Variants in IPO5 observed in about 807,000 individuals in gnomAD.
The protein encoded by IPO5 is importin 5.
In IPO5, 18 loss-of-function variants were observed where a neutral mutation model predicts 143.3. The ratio of observed to expected loss-of-function variants is 0.13; its 90% CI spans 0.09 to 0.19. The LOEUF is 0.19. Among genes scored for constraint, IPO5 ranks in the 10% least tolerant of loss-of-function variants. IPO5 has a pLI of 1.00. For synonymous variants in IPO5, 477 were observed against 465.7 expected (o/e 1.02, Z -0.31); for missense variants, 1,013 against 1,336.9 (o/e 0.76, Z 3.78).
Position 98,010,235 on chromosome 13 carries a change from A to G in IPO5, c.2055+11A>G, listed in dbSNP as rs375318165. On this transcript the variant is annotated intron_variant, in intron 20 of 28. Transcript: ENST00000651721. The stretch of plus-strand genomic sequence containing the variant: ...GCTTGCCAGATGTTGGTAAGAGAGC[A>G]CTGTTTTTACTAAACTTTTATTTTA... The G allele has an allele frequency of 7.0e-5, 113 of 1,607,802 alleles. 1 individual carries two copies. The highest frequency in any genetic ancestry group is 5.8e-4 in the South Asian group (52 of 89,638).
At chr13:98,017,457 A>T (rs994238059) in intron 25 of IPO5, among the ~76,000 whole-genome samples, 1 of 151,592 alleles carries the variant, frequency 6.6e-6, no homozygotes, top group African/African-American at 2.4e-5. Flanking sequence ...ACGCCACCAC[A>T]CCCGACGAAT....
intron 3 of IPO5, among the ~76,000 whole-genome samples, chr13:97,973,528 T>C (rs1325571561): frequency 6.6e-6 from 1 of 152,146 alleles, no homozygotes; most frequent in Non-Finnish European, 1.5e-5. Context: ...AGAACCAGTC[T>C]CCATTGTCAG....
intron 21 of IPO5, 112 bp from the exon 22 acceptor site, chr13:98,013,930 C>T (rs78756497): frequency 1.3e-4 from 102 of 813,586 alleles, no homozygotes; most frequent in East Asian, 1.2e-3. Flanking sequence ...AACACAAGCT[C>T]TTGGGTATCT....
intron 2 of IPO5, among the ~76,000 whole-genome samples, chr13:97,964,940 C>A (rs569292789): frequency 6.6e-6 from 1 of 152,272 alleles, no homozygotes; most frequent in South Asian, 2.1e-4. Flanking sequence ...TGGAACCAAC[C>A]AAATGCCCAT....
At chr13:97,970,820 C>T (rs1885768708) in intron 3 of IPO5, among the ~76,000 whole-genome samples, 1 of 152,052 alleles carries the variant, frequency 6.6e-6, no homozygotes, top group Non-Finnish European at 1.5e-5. Context: ...TGTAACATGA[C>T]CACTTATATA....
At chr13:98,010,036 A>T (rs372797449) in intron 19 of IPO5, 23 bp downstream of exon 19, 2 of 1,613,548 alleles carry the variant, frequency 1.2e-6, no homozygotes, top group South Asian at 1.1e-5. Context: ...AGAAGGAGCT[A>T]TCGGTTATAA....
chr13:97,987,570 A>G (rs1314286026), intron 6 of IPO5, among the ~76,000 whole-genome samples: 1 of 152,184 alleles, frequency 6.6e-6, no homozygotes, highest in Non-Finnish European at 1.5e-5. Context: ...CCCAGGCTTG[A>G]GTACAGTGGT....
At chr13:97,993,062 T>C in intron 10 of IPO5, 43 bp from the exon 11 acceptor site, 1 of 1,611,580 alleles carries the variant, frequency 6.2e-7, no homozygotes, top group South Asian at 1.1e-5. Flanking sequence ...TTTCAGGGAC[T>C]AATCTAAATT....
intron 3 of IPO5, among the ~76,000 whole-genome samples, chr13:97,973,038 CTTTT>C (rs34572861): frequency 1.4e-4 from 11 of 76,326 alleles, no homozygotes; most frequent in Admixed American, 1.4e-3. Context: ...CTTTTATCTT[CTTTT>C]TTTTTTTTTT....
At chr13:98,016,915 G>A (rs1231965891) in intron 25 of IPO5, 64 bp downstream of exon 25, 36 of 1,235,980 alleles carry the variant, frequency 2.9e-5, no homozygotes, top group South Asian at 2.7e-4. Flanking sequence ...TCACTGCAAC[G>A]TAAAATCTAA....
chr13:98,006,968 C>T (rs776782640), intron 17 of IPO5, among the ~76,000 whole-genome samples: 9 of 150,074 alleles, frequency 6.0e-5, no homozygotes, highest in Non-Finnish European at 1.2e-4. Flanking sequence ...TGGGTTCAAG[C>T]GATTCTCCTG....
At position 97,990,516 on chromosome 13, in the gene IPO5, C is replaced by T; in HGVS notation, c.648C>T (p.Asp216=). The change falls in exon 9 of 29, where the codon GAC becomes GAT. Residue 216 remains aspartate (D), a synonymous_variant. Coordinates refer to ENST00000651721, the MANE Select transcript of IPO5 (RefSeq NM_002271.6). The stretch of plus-strand genomic sequence containing the variant: ...TTGCTCTGTTCAAACATTTTGCAGA[C>T]TTGCTACCGGGATTCCTACAGGTAT... ...HNVALFKHFA[D]LLPGFLQAVN... The T allele has an allele frequency of 1.3e-6, 2 of 1,594,028 alleles. No individual in the cohort carries two copies. Among genetic ancestry groups the T allele is most frequent in the Non-Finnish European group, 1.7e-6 (2 of 1,172,094 alleles).
chr13:97,961,522 T>G (rs1042171999), intron 2 of IPO5, among the ~76,000 whole-genome samples: 9 of 152,244 alleles, frequency 5.9e-5, no homozygotes, highest in Non-Finnish European at 1.0e-4. Flanking sequence ...CCAAATTGGC[T>G]GTAACATTTT....
intron 4 of IPO5, chr13:97,981,420 G>A (rs571863767): frequency 3.0e-6 from 1 of 328,016 alleles, no homozygotes; most frequent in Non-Finnish European, 5.9e-6. Context: ...TAACTTATAA[G>A]CCTTTATTTC....
intron 2 of IPO5, among the ~76,000 whole-genome samples, 165 bp downstream of exon 2, chr13:97,954,363 A>C (rs1212647542): frequency 6.6e-6 from 1 of 152,222 alleles, no homozygotes; most frequent in Non-Finnish European, 1.5e-5. Context: ...CCAACCCATC[A>C]GGATTATCTA....
intron 2 of IPO5, among the ~76,000 whole-genome samples, chr13:97,964,631 A>G (rs1400783000): frequency 6.6e-6 from 1 of 151,800 alleles, no homozygotes; most frequent in African/African-American, 2.4e-5. Flanking sequence ...TACAAAAAAA[A>G]GTAGAGACGG....
chr13:97,971,875 C>A (rs949579178), intron 3 of IPO5, among the ~76,000 whole-genome samples: 2 of 152,148 alleles, frequency 1.3e-5, no homozygotes, highest in African/African-American at 4.8e-5. Flanking sequence ...TATTGAGTAT[C>A]TACTTATGCA....
chr13:97,997,432 C>G, intron 11 of IPO5, 99 bp from the exon 12 acceptor site: 2 of 589,994 alleles, frequency 3.4e-6, no homozygotes, highest in East Asian at 6.3e-5. Context: ...GTCTTGTTCT[C>G]TTACAGGCAA....
intron 2 of IPO5, among the ~76,000 whole-genome samples, chr13:97,961,775 G>A (rs1436295465): frequency 6.6e-6 from 1 of 152,072 alleles, no homozygotes; most frequent in Non-Finnish European, 1.5e-5. Flanking sequence ...TAATTGGGTT[G>A]TCTTTTTTTA....
Sources: gnomAD v4.1 joint callset for allele counts (sites outside exome capture counted in the v4.1 genomes callset) on GRCh38, gnomAD v4.1.1 for gene constraint, MANE v1.5 for transcripts, NCBI Gene and HGNC (gene_info 2026-07-23, HGNC 2026-07-21) for gene names.